DPP10: variants seen among roughly 807,000 people sequenced by gnomAD.
DPP10 encodes the protein inactive dipeptidyl peptidase 10.
A neutral mutation model predicts 120.9 loss-of-function variants in DPP10; 33 were observed. The observed-to-expected ratio is 0.27, with a 90% CI of 0.21 to 0.37. DPP10 has a LOEUF of 0.37. Among genes scored for constraint, DPP10 ranks in the 10% least tolerant of loss-of-function variants. The pLI is 1.00. For missense variants in DPP10, 816 were observed against 942.8 expected (o/e 0.87, Z 1.76); for synonymous variants, 337 against 326.1 (o/e 1.03, Z -0.36).
At chr2:115,480,593 G>A (rs781038956) in intron 3 of DPP10, among the ~76,000 whole-genome samples, 5 of 151,982 alleles carry the variant, frequency 3.3e-5, no homozygotes, top group Non-Finnish European at 5.9e-5. Flanking sequence ...TATCATATTT[G>A]TGCTTCCAGC....
intron 5 of DPP10, among the ~76,000 whole-genome samples, chr2:115,614,600 T>G (rs2084354371): frequency 6.6e-6 from 1 of 152,144 alleles, no homozygotes; most frequent in Non-Finnish European, 1.5e-5. Context: ...AATTTTTGTA[T>G]TTTTAGTAGA....
intron 1 of DPP10, among the ~76,000 whole-genome samples, chr2:114,682,742 TTA>T (rs1699106778): frequency 6.6e-6 from 1 of 150,538 alleles, no homozygotes; most frequent in South Asian, 2.1e-4. Context: ...AGGTAAGATT[TTA>T]TATCTATCTA....
chr2:114,534,585 T>C (rs1413663699), intron 1 of DPP10, among the ~76,000 whole-genome samples: 13 of 152,326 alleles, frequency 8.5e-5, no homozygotes, highest in Admixed American at 2.6e-4. Context: ...AGAGCAACTG[T>C]CTTGGAGATT....
intron 1 of DPP10, among the ~76,000 whole-genome samples, chr2:115,211,384 A>G (rs2056502067): frequency 6.6e-6 from 1 of 152,180 alleles, no homozygotes; most frequent in African/African-American, 2.4e-5. Context: ...CATTTAGCAT[A>G]GATAATACCT....
chr2:115,076,579 G>A (rs925415256), intron 1 of DPP10, among the ~76,000 whole-genome samples: 7 of 152,026 alleles, frequency 4.6e-5, no homozygotes, highest in South Asian at 4.2e-4. Flanking sequence ...AACGTTTATC[G>A]AAATAGCACT....
intron 1 of DPP10, among the ~76,000 whole-genome samples, chr2:114,519,073 T>G (rs2104639665): frequency 6.6e-6 from 1 of 152,362 alleles, no homozygotes; most frequent in African/African-American, 2.4e-5. Context: ...AGTCATTTCC[T>G]GATCTGAATT....
chr2:115,308,703 T>G (rs950041201), intron 1 of DPP10, among the ~76,000 whole-genome samples: 2 of 151,440 alleles, frequency 1.3e-5, no homozygotes, highest in Non-Finnish European at 3.0e-5. Context: ...GTTTTTTTTT[T>G]TTTTTTTTTT....
intron 5 of DPP10, among the ~76,000 whole-genome samples, chr2:115,640,903 G>A (rs917355937): frequency 1.3e-5 from 2 of 152,010 alleles, no homozygotes; most frequent in Non-Finnish European, 2.9e-5. Context: ...ATTTCACAGT[G>A]TTTATTTTGT....
At chr2:114,499,600 G>A (rs1362486628) in intron 1 of DPP10, among the ~76,000 whole-genome samples, 1 of 151,700 alleles carries the variant, frequency 6.6e-6, no homozygotes, top group East Asian at 1.9e-4. Context: ...GTTAAGAGCA[G>A]GGACTGGGCT....
At chr2:115,506,172 G>A (rs13002613) in intron 4 of DPP10, among the ~76,000 whole-genome samples, 83,838 of 151,814 alleles carry the variant, frequency 0.55, 24,603 homozygotes, top group Non-Finnish European at 0.67. Flanking sequence ...AGAACTATGC[G>A]TTGCCAAAAC....
chr2:115,024,808 T>C (rs1469350189), intron 1 of DPP10, among the ~76,000 whole-genome samples: 1 of 147,860 alleles, frequency 6.8e-6, no homozygotes, highest in East Asian at 1.9e-4. Flanking sequence ...TATACATATA[T>C]ATGTTTAAGG....
intron 1 of DPP10, among the ~76,000 whole-genome samples, chr2:114,748,331 G>T (rs1678786797): frequency 8.0e-6 from 1 of 124,262 alleles, no homozygotes; most frequent in Non-Finnish European, 1.7e-5. Flanking sequence ...AGGACAAAGG[G>T]AATTTTCTTT....
chr2:114,995,008 G>T (rs1202635900), intron 1 of DPP10, among the ~76,000 whole-genome samples: 1 of 152,068 alleles, frequency 6.6e-6, no homozygotes, highest in Admixed American at 6.5e-5. Context: ...CCGTTTTGAC[G>T]CTGAGCTTGA....
chr2:114,527,033 A>G (rs1487482007), intron 1 of DPP10, among the ~76,000 whole-genome samples: 1 of 152,186 alleles, frequency 6.6e-6, no homozygotes, highest in African/African-American at 2.4e-5. Flanking sequence ...GACATAGTCC[A>G]TAATTTACAC....
chr2:115,352,917 T>G (rs2064130282), intron 3 of DPP10, among the ~76,000 whole-genome samples: 1 of 152,062 alleles, frequency 6.6e-6, no homozygotes, highest in Admixed American at 6.6e-5. Context: ...TTTGAGCTGC[T>G]GTGTACGCCC....
At chr2:114,706,348 T>A (rs549360248) in intron 1 of DPP10, among the ~76,000 whole-genome samples, 1 of 152,284 alleles carries the variant, frequency 6.6e-6, no homozygotes, top group African/African-American at 2.4e-5. Context: ...TTGTTTAAAA[T>A]AACAGTAATT....
chr2:115,770,427 T>G (rs1575731468), intron 13 of DPP10, among the ~76,000 whole-genome samples: 1 of 152,144 alleles, frequency 6.6e-6, no homozygotes, highest in African/African-American at 2.4e-5. Context: ...ACAGCCTTCA[T>G]TGAAGTAGAA....
In DPP10 at chr2:114,564,051, G is replaced by T. The variant is rs541035461; in HGVS notation, c.60+121213G>T. 2.0e-5 allele frequency among the ~76,000 whole-genome samples: 3 copies of T among 152,294 alleles called. No homozygotes were observed. The East Asian group carries it at 5.8e-4, about 29-fold the overall frequency. ...CCACAATGTCCTCCTTCGCCTTCCA[G>T]CAATCGATTCCTTTGTGCTCCATTT... On this transcript the variant is annotated intron_variant, in intron 1 of 25. Transcript: ENST00000410059.
intron 1 of DPP10, among the ~76,000 whole-genome samples, chr2:114,534,189 A>T (rs1047910905): frequency 1.9e-4 from 29 of 151,982 alleles, no homozygotes; most frequent in African/African-American, 7.0e-4. Flanking sequence ...TTTTTGTTTC[A>T]TGTCTGCATT....
Sources: allele counts gnomAD v4.1 joint callset (sites outside exome capture counted in the v4.1 genomes callset), GRCh38; gene constraint gnomAD v4.1.1; transcripts MANE v1.5; gene names NCBI Gene and HGNC (gene_info 2026-07-23, HGNC 2026-07-21).